The following FGF14 variants were observed in gnomAD, a reference collection of about 807,000 sequenced individuals.
The protein encoded by FGF14 is fibroblast growth factor homologous factor 4.
A neutral mutation model predicts 25.5 loss-of-function variants in FGF14; 5 were observed. The ratio of observed to expected loss-of-function variants is 0.20; its 90% CI spans 0.10 to 0.41. The LOEUF is 0.41. Ranked by LOEUF, FGF14 falls within the 10% of genes least tolerant of loss-of-function variation. The pLI, the probability that FGF14 is intolerant of heterozygous loss-of-function variation, is 1.00. For missense variants in FGF14, 222 were observed against 320.1 expected (o/e 0.69, Z 2.34); for synonymous variants, 138 against 118.3 (o/e 1.17, Z -1.08).
intron 1 of FGF14, among the ~76,000 whole-genome samples, chr13:101,947,563 T>C (rs2035891684): frequency 1.3e-5 from 2 of 152,330 alleles, no homozygotes; most frequent in African/African-American, 2.4e-5. Flanking sequence ...GAGGCCATTA[T>C]TCTAAGTGAA....
intron 1 of FGF14, among the ~76,000 whole-genome samples, chr13:102,390,268 G>A (rs1036449630): frequency 6.6e-6 from 1 of 152,096 alleles, no homozygotes; most frequent in Non-Finnish European, 1.5e-5. Flanking sequence ...TAGGGTAGTG[G>A]TTACAATGAT....
At position 102,363,418 on chromosome 13, in the gene FGF14, C is replaced by T. The variant is rs750923522; in HGVS notation, c.208+38053G>A. On this transcript the variant is annotated intron_variant, in intron 1 of 4. Coordinates refer to the FGF14 transcript ENST00000376131. ...AAGTTTCTGTATTTCACATGGTCAA[C>T]TGGGAAATCAGAAATAGGACTCCAG... Among the ~76,000 whole-genome samples, 15 of 152,230 alleles carry T rather than the reference C, an allele frequency of 9.9e-5. No homozygotes were observed. In the South Asian group the frequency reaches 1.0e-3, roughly 11 times the overall value.
rs2034683599 is a variant in FGF14, at chr13:101,715,604, G to A, written c.*7227C>T. 6.2e-7 allele frequency: 1 copy of A among 1,613,438 alleles called. No homozygotes were observed. Among genetic ancestry groups the A allele is most frequent in the East Asian group, 2.2e-5 (1 of 44,832 alleles). ...CTGTGGAAACTGTGAATGCTGGGAT[G>A]GATGGAATGGAAATGCATGTGAAAT... On this transcript the variant is annotated 3_prime_UTR_variant, in exon 5 of 5. Transcript: ENST00000376143.
chr13:102,326,199 A>T (rs936075969), intron 1 of FGF14, among the ~76,000 whole-genome samples: 13 of 152,228 alleles, frequency 8.5e-5, no homozygotes, highest in African/African-American at 2.9e-4. Flanking sequence ...CATCAAATGC[A>T]AGCATCAAAT....
intron 1 of FGF14, among the ~76,000 whole-genome samples, chr13:101,963,553 T>C (rs1594844532): frequency 1.3e-5 from 2 of 152,284 alleles, no homozygotes; most frequent in Admixed American, 1.3e-4. Flanking sequence ...ACAGTAGAAA[T>C]CAAAATATGC....
chr13:102,048,948 A>G (rs1403706635), intron 1 of FGF14, among the ~76,000 whole-genome samples: 1 of 152,186 alleles, frequency 6.6e-6, no homozygotes, highest in East Asian at 1.9e-4. Context: ...TTCCTAAAAC[A>G]GCAGTCTTTT....
intron 1 of FGF14, among the ~76,000 whole-genome samples, chr13:102,198,054 C>T (rs1276468540): frequency 1.3e-5 from 2 of 152,206 alleles, no homozygotes; most frequent in African/African-American, 4.8e-5. Context: ...TTCCTCCTCT[C>T]CCAGCTTTAT....
chr13:101,995,007 G>A (rs1594934665), intron 1 of FGF14, among the ~76,000 whole-genome samples: 1 of 151,986 alleles, frequency 6.6e-6, no homozygotes, highest in East Asian at 1.9e-4. Context: ...TACTGAAACT[G>A]CAAGGCCATT....
At chr13:101,932,407 C>A (rs142139471) in intron 1 of FGF14, among the ~76,000 whole-genome samples, 6,251 of 151,598 alleles carry the variant, frequency 0.041, 140 homozygotes, top group Non-Finnish European at 0.045. Flanking sequence ...GTGGCTGGTG[C>A]CTGTAATCCC....
chr13:102,243,236 A>G (rs1283368948), intron 1 of FGF14, among the ~76,000 whole-genome samples: 1 of 152,108 alleles, frequency 6.6e-6, no homozygotes, highest in Non-Finnish European at 1.5e-5. Context: ...ATAACTTTCT[A>G]TCTTCTTTAA....
intron 3 of FGF14, among the ~76,000 whole-genome samples, chr13:101,793,210 C>T (rs1566908894): frequency 6.6e-6 from 1 of 152,054 alleles, no homozygotes; most frequent in Non-Finnish European, 1.5e-5. Flanking sequence ...CACCATCTAC[C>T]CTCTGTTTTC....
At chr13:101,970,006 C>A (rs1311849212) in intron 1 of FGF14, among the ~76,000 whole-genome samples, 1 of 152,194 alleles carries the variant, frequency 6.6e-6, no homozygotes, top group Non-Finnish European at 1.5e-5. Context: ...TGCCTTATAG[C>A]AATCTCTTAA....
intron 1 of FGF14, among the ~76,000 whole-genome samples, chr13:102,337,215 T>C (rs1024251954): frequency 1.3e-5 from 2 of 152,202 alleles, no homozygotes; most frequent in African/African-American, 4.8e-5. Context: ...ATTAAGAATA[T>C]GCCTGATTCA....
chr13:101,737,753 A>G (rs2139760447), intron 3 of FGF14, among the ~76,000 whole-genome samples: 1 of 152,196 alleles, frequency 6.6e-6, no homozygotes, highest in South Asian at 2.1e-4. Context: ...TTCTCTCCTT[A>G]GGCCTATGTG....
intron 1 of FGF14, among the ~76,000 whole-genome samples, chr13:102,279,209 T>C (rs2141204187): frequency 6.6e-6 from 1 of 152,172 alleles, no homozygotes; most frequent in East Asian, 1.9e-4. Flanking sequence ...GATAGATAAA[T>C]AGATGATAGA....
At chr13:101,878,954 G>GAACAAA (rs11283224) in intron 1 of FGF14, among the ~76,000 whole-genome samples, 6 of 151,652 alleles carry the variant, frequency 4.0e-5, no homozygotes, top group African/African-American at 1.5e-4. Flanking sequence ...AGGCCTACAA[G>GAACAAA]TATTTTTGTT....
At chr13:102,386,422 G>A (rs1595024481) in intron 1 of FGF14, among the ~76,000 whole-genome samples, 8 of 152,232 alleles carry the variant, frequency 5.3e-5, no homozygotes, top group South Asian at 4.1e-4. Flanking sequence ...GTCAGCCATC[G>A]CGCCTGGCCC....
intron 3 of FGF14, among the ~76,000 whole-genome samples, chr13:101,774,579 C>T (rs1326171946): frequency 1.3e-5 from 2 of 152,112 alleles, no homozygotes; most frequent in Non-Finnish European, 1.5e-5. Context: ...ACCACCCCAT[C>T]CCCTGCATAG....
intron 1 of FGF14, among the ~76,000 whole-genome samples, chr13:102,027,689 C>A (rs139518211): frequency 1.7e-3 from 266 of 152,120 alleles, no homozygotes; most frequent in African/African-American, 6.2e-3. Context: ...TCGGTATAAT[C>A]TTGTTTGCTA....
Sources: gnomAD v4.1 joint callset for allele counts (sites outside exome capture counted in the v4.1 genomes callset) on GRCh38, gnomAD v4.1.1 for gene constraint, MANE v1.5 for transcripts, NCBI Gene and HGNC (gene_info 2026-07-23, HGNC 2026-07-21) for gene names.